USP42: variants seen among roughly 807,000 people sequenced by gnomAD.
The protein encoded by USP42 is ubiquitin carboxyl-terminal hydrolase 42.
In USP42, 23 loss-of-function variants were observed where a neutral mutation model predicts 113.0. The ratio of observed to expected loss-of-function variants is 0.20; its 90% confidence interval spans 0.15 to 0.29. The LOEUF (loss-of-function observed/expected upper bound fraction) is 0.29, where lower values mean the gene tolerates loss of function less well. Among genes scored for constraint, USP42 ranks in the 10% least tolerant of loss-of-function variants. USP42 has a pLI of 1.00. For synonymous variants in USP42, 933 were observed against 699.0 expected (o/e 1.33, Z -5.28); for missense variants, 2,174 against 1,779.8 (o/e 1.22, Z -3.99).
intron 11 of USP42, 34 bp downstream of exon 11, chr7:6,146,282 G>A (rs1171005096): frequency 4.6e-6 from 6 of 1,301,076 alleles, no homozygotes; most frequent in South Asian, 1.4e-5. Context: ...CAGATTTTCT[G>A]GTATGTCATT....
the USP42 span, chr7:6,085,026 C>T: frequency 6.6e-6 from 1 of 151,366 alleles, no homozygotes; most frequent in Non-Finnish European, 1.5e-5. Flanking sequence ...GCCAAGGACT[C>T]TTAAGTGTAA....
the USP42 span, among the ~76,000 whole-genome samples, chr7:6,086,407 G>T: frequency 6.6e-6 from 1 of 150,426 alleles, no homozygotes; most frequent in African/African-American, 2.5e-5. Flanking sequence ...GGATTTCACC[G>T]TGTTAGCCAG....
At chr7:6,093,776 A>G in the USP42 span, among the ~76,000 whole-genome samples, 1 of 149,842 alleles carries the variant, frequency 6.7e-6, no homozygotes, top group East Asian at 1.9e-4. Context: ...TCTATTTTTC[A>G]CTGTTTATAT....
chr7:6,155,342 A>C, intron 15 of USP42, 147 bp downstream of exon 15: 1 of 1,360,984 alleles, frequency 7.3e-7, no homozygotes. Flanking sequence ...GTGGGTTTTG[A>C]GAGTTCACTA....
At chr7:6,092,048 TTCTTC>T in the USP42 span, among the ~76,000 whole-genome samples, 290 of 77,672 alleles carry the variant, frequency 3.7e-3, 2 homozygotes, top group Non-Finnish European at 4.8e-3. Context: ...CTTCTTCTTC[TTCTTC>T]TTTCTTCTTC....
intron 15 of USP42, 149 bp downstream of exon 15, chr7:6,155,344 A>G: frequency 7.4e-7 from 1 of 1,356,956 alleles, no homozygotes; most frequent in East Asian, 2.6e-5. Context: ...GGGTTTTGAG[A>G]GTTCACTATT....
chr7:6,145,159 CCT>C (rs1350087395), intron 9 of USP42, among the ~76,000 whole-genome samples: 3 of 151,720 alleles, frequency 2.0e-5, no homozygotes, highest in East Asian at 1.9e-4. Flanking sequence ...TGGTGAAACC[CCT>C]GTCTCTACTA....
intron 1 of USP42, among the ~76,000 whole-genome samples, chr7:6,107,596 A>T (rs896885828): frequency 5.3e-5 from 8 of 151,924 alleles, no homozygotes; most frequent in Middle Eastern, 3.4e-3. Flanking sequence ...TTTAGTAGAG[A>T]CGGGATTTCT....
rs1263493862 is a variant in USP42 at position 6,147,736 on chromosome 7, C to T, written c.1233-3C>T. The stretch of plus-strand genomic sequence containing the variant: ...CCCTAAGTATCGCTCTCCTTGTTTC[C>T]AGGTCCCATGATGTGAAAAATGGAG... On this transcript the variant is annotated splice_polypyrimidine_tract_variant and splice_region_variant and intron_variant, in intron 11 of 17. Coordinates refer to ENST00000306177, the MANE Select transcript of USP42 (RefSeq NM_032172.3). 5.7e-6 allele frequency: 9 copies of T among 1,573,426 alleles called. No individual in the cohort carries two copies. Among genetic ancestry groups the T allele is most frequent in the Non-Finnish European group, 6.1e-6 (7 of 1,152,564 alleles).
chr7:6,144,477 C>T (rs1781594015), intron 9 of USP42, among the ~76,000 whole-genome samples: 1 of 152,186 alleles, frequency 6.6e-6, no homozygotes, highest in Admixed American at 6.5e-5. Context: ...TGGTAGTACA[C>T]TGAATTTTCC....
chr7:6,150,642 G>GT (rs1781990309), intron 14 of USP42, 136 bp downstream of exon 14: 6 of 836,834 alleles, frequency 7.2e-6, no homozygotes, highest in African/African-American at 5.2e-5. Context: ...GAATTATAAT[G>GT]TATAGGATTT....
rs1781511815 is a variant in USP42 at position 6,142,913 on chromosome 7, G to A, written c.796-19G>A. On this transcript the variant is annotated intron_variant, in intron 7 of 17. Coordinates refer to ENST00000306177, the MANE Select transcript of USP42 (RefSeq NM_032172.3). ...GACGGTGTGCGGTGATGTGGTGTTT[G>A]TGCCTCTTCTCTTCCCAGGCTGCTC... is the stretch of plus-strand genomic sequence containing the variant. 1.9e-6 allele frequency: 3 copies of A among 1,613,386 alleles called. No homozygotes were observed. The highest frequency in any genetic ancestry group is 2.7e-5 in the African/African-American group (2 of 75,024).
intron 2 of USP42, among the ~76,000 whole-genome samples, chr7:6,114,781 C>G (rs1275687691): frequency 6.9e-6 from 1 of 145,744 alleles, no homozygotes; most frequent in African/African-American, 2.5e-5. Flanking sequence ...AGCTCTGCCT[C>G]CCGGGTTCAC....
chr7:6,134,860 A>G (rs1396748684), intron 3 of USP42, among the ~76,000 whole-genome samples: 2 of 151,890 alleles, frequency 1.3e-5, no homozygotes, highest in African/African-American at 4.8e-5. Flanking sequence ...ATCACAGCTT[A>G]CTGCAGCCTC....
rs776394362 is a variant in USP42, at chr7:6,154,270, A to T, written c.2716A>T (p.Met906Leu). The change falls in exon 15 of 18, where the codon ATG becomes TTG. Residue 906 changes from methionine to leucine, a missense_variant. Transcript: ENST00000306177. ...AERPPAPVLDMAPAGHPEGDA... is the reference protein window; with the variant it reads ...AERPPAPVLDLAPAGHPEGDA... ...GCGGCCGCCAGCTCCTGTGCTGGAC[A>T]TGGCCCCGGCCGGTCACCCGGAAGG... 7 of 1,600,042 alleles carry T rather than the reference A, an allele frequency of 4.4e-6. No homozygotes were observed. The highest frequency in any genetic ancestry group is 6.0e-6 in the Non-Finnish European group (7 of 1,174,588).
At chr7:6,153,626 A>G (rs926287500) in intron 14 of USP42, 130 bp from the exon 15 acceptor site, 95 of 1,176,612 alleles carry the variant, frequency 8.1e-5, no homozygotes, top group Non-Finnish European at 9.6e-5. Flanking sequence ...TGAAACTTAA[A>G]GTATAATAAT....
At chr7:6,156,705 TG>T in intron 15 of USP42, 48 bp from the exon 16 acceptor site, 1 of 1,490,906 alleles carries the variant, frequency 6.7e-7, no homozygotes, top group Non-Finnish European at 8.9e-7. Context: ...GGTCTGCTGC[TG>T]GTGGTTTTGT....
rs917767748 is a variant in USP42 at position 6,159,759 on chromosome 7, G to C, written c.*36+266G>C. Among the ~76,000 whole-genome samples, 1 of 152,246 alleles carries C rather than the reference G, an allele frequency of 6.6e-6. No homozygotes were observed. Among genetic ancestry groups the C allele is most frequent in the African/African-American group, 2.4e-5 (1 of 41,466 alleles). On this transcript the variant is annotated intron_variant, in intron 17 of 17. Transcript: ENST00000306177. This position sits in a 1 kb window ranked among gnomAD's most constrained non-coding sequence, Gnocchi z 4.1. The stretch of plus-strand genomic sequence containing the variant: ...GCAGGCAGAGTCGCCCTGTTCCCTT[G>C]TGCCTCACTTGGGAAAAGCCAACCC...
intron 3 of USP42, among the ~76,000 whole-genome samples, 187 bp from the exon 4 acceptor site, chr7:6,135,651 CAAA>C (rs1173165919): frequency 4.3e-4 from 7 of 16,152 alleles, no homozygotes; most frequent in Non-Finnish European, 7.1e-4. Context: ...GACTCCATCT[CAAA>C]AAAAAAAAAA....
Sources: allele counts gnomAD v4.1 joint callset (sites outside exome capture counted in the v4.1 genomes callset), GRCh38; gene constraint gnomAD v4.1.1; non-coding constraint Gnocchi (gnomAD v3.1); transcripts MANE v1.5; gene names NCBI Gene and HGNC (gene_info 2026-07-23, HGNC 2026-07-21).